Variants in FAM210A observed in about 807,000 individuals in gnomAD.
FAM210A encodes family with sequence similarity 210 member A.
FAM210A carries 13 observed loss-of-function variants against 25.3 expected under a neutral mutation model. That is an observed-to-expected ratio of 0.51 (90% CI 0.33 to 0.82). The LOEUF (loss-of-function observed/expected upper bound fraction) is 0.82. Among genes scored for constraint, FAM210A ranks in the 40% least tolerant of loss-of-function variants. The pLI, the probability that FAM210A is intolerant of heterozygous loss-of-function variation, is 0.02. For missense variants in FAM210A, 319 were observed against 323.2 expected (o/e 0.99, Z 0.10); for synonymous variants, 125 against 118.7 (o/e 1.05, Z -0.35).
At chr18:13,669,870 C>T (rs2043428255) in intron 3 of FAM210A, among the ~76,000 whole-genome samples, 1 of 152,182 alleles carries the variant, frequency 6.6e-6, no homozygotes, top group Non-Finnish European at 1.5e-5. Context: ...CCATACATGC[C>T]ATACTTCATT....
chr18:13,690,072 T>C (rs994657782), intron 1 of FAM210A, among the ~76,000 whole-genome samples: 1 of 152,200 alleles, frequency 6.6e-6, no homozygotes, highest in Non-Finnish European at 1.5e-5. Flanking sequence ...ACTGCGCTTT[T>C]CCAACGGCCT....
intron 3 of FAM210A, among the ~76,000 whole-genome samples, chr18:13,667,248 CCT>C (rs2043408021): frequency 6.6e-6 from 1 of 152,276 alleles, no homozygotes; most frequent in African/African-American, 2.4e-5. Context: ...CACAATCTAC[CCT>C]GAGTCTCAAA....
intron 1 of FAM210A, among the ~76,000 whole-genome samples, chr18:13,720,408 C>A (rs1481442702): frequency 6.6e-6 from 1 of 152,116 alleles, no homozygotes; most frequent in Non-Finnish European, 1.5e-5. Flanking sequence ...AAGTAGCACA[C>A]CCAAATGAGG....
intron 1 of FAM210A, among the ~76,000 whole-genome samples, chr18:13,692,667 A>G (rs1430150785): frequency 6.6e-6 from 1 of 152,242 alleles, no homozygotes; most frequent in East Asian, 1.9e-4. Flanking sequence ...TAACCAAATG[A>G]AGGCAGAAAT....
At chr18:13,701,797 G>T (rs938152232) in intron 1 of FAM210A, among the ~76,000 whole-genome samples, 1 of 152,226 alleles carries the variant, frequency 6.6e-6, no homozygotes, top group Non-Finnish European at 1.5e-5. Context: ...TTATTATCCA[G>T]ATCCAAAGGA....
chr18:13,697,074 G>A (rs868472077), intron 1 of FAM210A, among the ~76,000 whole-genome samples: 37 of 152,322 alleles, frequency 2.4e-4, no homozygotes, highest in African/African-American at 8.4e-4. Flanking sequence ...GTAATGCGCT[G>A]TACAGGTTTG....
intron 1 of FAM210A, among the ~76,000 whole-genome samples, chr18:13,686,957 G>T (rs889330745): frequency 1.2e-4 from 18 of 152,090 alleles, no homozygotes; most frequent in African/African-American, 4.3e-4. Flanking sequence ...TATAATCCAA[G>T]AAAGGAAAAC....
At chr18:13,678,669 A>G (rs2043524770) in intron 2 of FAM210A, among the ~76,000 whole-genome samples, 2 of 152,216 alleles carry the variant, frequency 1.3e-5, no homozygotes, top group Non-Finnish European at 2.9e-5. Flanking sequence ...TGAAGTATTA[A>G]TGAGGGTCTG....
chr18:13,721,789 G>T (rs182288817), intron 1 of FAM210A, among the ~76,000 whole-genome samples: 1 of 152,172 alleles, frequency 6.6e-6, no homozygotes, highest in African/African-American at 2.4e-5. Flanking sequence ...CTGAATGGCG[G>T]GCCAAAATGA....
intron 1 of FAM210A, among the ~76,000 whole-genome samples, chr18:13,693,102 G>A (rs1416860066): frequency 5.3e-5 from 8 of 151,958 alleles, no homozygotes; most frequent in East Asian, 1.9e-4. Context: ...AACTACCATC[G>A]GAGAATACTA....
At chr18:13,684,125 G>A (rs1017916837) in intron 1 of FAM210A, among the ~76,000 whole-genome samples, 2 of 152,122 alleles carry the variant, frequency 1.3e-5, no homozygotes, top group Non-Finnish European at 2.9e-5. Context: ...GGCTGGGAGC[G>A]GTGGCTCACG....
intron 1 of FAM210A, among the ~76,000 whole-genome samples, chr18:13,721,437 C>A (rs2149072193): frequency 6.6e-6 from 1 of 152,242 alleles, no homozygotes; most frequent in Admixed American, 6.5e-5. Flanking sequence ...CTGCACAGGC[C>A]AAACAGGAGG....
At chr18:13,696,005 C>T (rs1483758075) in intron 1 of FAM210A, among the ~76,000 whole-genome samples, 1 of 152,056 alleles carries the variant, frequency 6.6e-6, no homozygotes, top group Non-Finnish European at 1.5e-5. Context: ...ATAATATACT[C>T]TCCCAAAATA....
intron 1 of FAM210A, among the ~76,000 whole-genome samples, chr18:13,705,049 G>C (rs2043767245): frequency 6.6e-6 from 1 of 151,998 alleles, no homozygotes; most frequent in Non-Finnish European, 1.5e-5. Flanking sequence ...ATTTAATCTG[G>C]GTAAGAATTC....
At chr18:13,694,576 A>T (rs139070780) in intron 1 of FAM210A, among the ~76,000 whole-genome samples, 2,095 of 152,288 alleles carry the variant, frequency 0.014, 42 homozygotes, top group African/African-American at 0.047. Flanking sequence ...ATCTACAACC[A>T]CCTGATCTTT....
At chr18:13,685,918 T>A (rs886452816) in intron 1 of FAM210A, among the ~76,000 whole-genome samples, 2 of 152,022 alleles carry the variant, frequency 1.3e-5, no homozygotes, top group African/African-American at 4.8e-5. Context: ...GTTACCTCCT[T>A]AAGAAACTAG....
At chr18:13,695,301 TGTGG>T (rs1441048049) in intron 1 of FAM210A, among the ~76,000 whole-genome samples, 2 of 152,220 alleles carry the variant, frequency 1.3e-5, no homozygotes, top group Non-Finnish European at 2.9e-5. Context: ...TGGAAGACAG[TGTGG>T]CGATTCCTCA....
chr18:13,689,108 C>T (rs150938978), intron 1 of FAM210A, among the ~76,000 whole-genome samples: 12 of 152,352 alleles, frequency 7.9e-5, no homozygotes, highest in African/African-American at 2.9e-4. Context: ...GCATCTGCTT[C>T]CTCTGTCCCC....
intron 2 of FAM210A, among the ~76,000 whole-genome samples, chr18:13,680,994 G>T (rs2043548517): frequency 6.6e-6 from 1 of 152,126 alleles, no homozygotes; most frequent in Non-Finnish European, 1.5e-5. Flanking sequence ...GACACTTACT[G>T]GACTTGGGTA....
Sources: gnomAD v4.1 joint callset for allele counts (sites outside exome capture counted in the v4.1 genomes callset) on GRCh38, gnomAD v4.1.1 for gene constraint, MANE v1.5 for transcripts, NCBI Gene and HGNC (gene_info 2026-07-23, HGNC 2026-07-21) for gene names.